Variants in NLGN1 observed in about 807,000 individuals in gnomAD.
The protein encoded by NLGN1 is neuroligin 1.
NLGN1 carries 12 observed loss-of-function variants against 65.5 expected under a neutral mutation model. The ratio of observed to expected loss-of-function variants is 0.18; its 90% CI spans 0.12 to 0.30. The LOEUF (loss-of-function observed/expected upper bound fraction) is 0.30. NLGN1 is among the 10% of genes least tolerant of loss of function. NLGN1 has a pLI of 1.00. For missense variants in NLGN1, 750 were observed against 1,007.1 expected (o/e 0.74, Z 3.46); for synonymous variants, 350 against 359.5 (o/e 0.97, Z 0.30).
At chr3:173,850,067 G>C (rs1726596164) in intron 4 of NLGN1, among the ~76,000 whole-genome samples, 1 of 152,014 alleles carries the variant, frequency 6.6e-6, no homozygotes, top group Admixed American at 6.6e-5. Context: ...GAAAAATATA[G>C]AGAGAAGAGT....
chr3:173,463,739 A>G (rs1381152418), intron 2 of NLGN1, among the ~76,000 whole-genome samples: 1 of 152,172 alleles, frequency 6.6e-6, no homozygotes, highest in Non-Finnish European at 1.5e-5. Flanking sequence ...CTGTATCATG[A>G]TAGATTGAAT....
intron 4 of NLGN1, among the ~76,000 whole-genome samples, chr3:173,877,721 T>A (rs1465519365): frequency 6.6e-6 from 1 of 152,190 alleles, no homozygotes; most frequent in African/African-American, 2.4e-5. Context: ...AAATAAAAGC[T>A]CTTATAATAA....
intron 4 of NLGN1, among the ~76,000 whole-genome samples, chr3:174,223,360 C>T (rs1739005944): frequency 6.6e-6 from 1 of 152,174 alleles, no homozygotes; most frequent in Non-Finnish European, 1.5e-5. Context: ...ATTTTCTTGG[C>T]ATGAAAGCAA....
At chr3:173,706,825 G>A (rs772098881) in intron 3 of NLGN1, among the ~76,000 whole-genome samples, 8 of 152,152 alleles carry the variant, frequency 5.3e-5, no homozygotes, top group African/African-American at 7.2e-5. Flanking sequence ...ACACGCCCAC[G>A]CGTGCACGCA....
rs138303798 is a variant in NLGN1 at position 174,136,953 on chromosome 3, A to T, written c.647-138362A>T. Reference sequence around the variant, plus strand: ...ATGGAAAGTGCATTTAATACATCTAACCTACCAAACATAGCTTAGCCTAGC... The same window carrying T: ...ATGGAAAGTGCATTTAATACATCTATCCTACCAAACATAGCTTAGCCTAGC... On this transcript the variant is annotated intron_variant, in intron 4 of 6. Transcript: ENST00000457714. Among the ~76,000 whole-genome samples the T allele has an allele frequency of 4.0e-3, 605 of 152,240 alleles. 3 individuals carry two copies. The highest frequency in any genetic ancestry group is 0.014 in the African/African-American group (576 of 41,554).
rs1447216710 is a variant in NLGN1 at position 173,819,572 on chromosome 3, A to G, written c.646+11740A>G. ...CTGCCACAAATACCCATCTTTCTCA[A>G]TCGTTGTAGCTCTATTATCTTTCTC... On this transcript the variant is annotated intron_variant, in intron 4 of 6. Coordinates refer to ENST00000457714, the Ensembl canonical transcript of NLGN1. Among the ~76,000 whole-genome samples the G allele has an allele frequency of 2.6e-5, 4 of 152,146 alleles. 1 individual carries two copies. Among genetic ancestry groups the G allele is most frequent in the South Asian group, 4.1e-4 (2 of 4,834 alleles).
At chr3:173,862,363 G>A (rs529018892) in intron 4 of NLGN1, among the ~76,000 whole-genome samples, 6 of 151,246 alleles carry the variant, frequency 4.0e-5, no homozygotes, top group Admixed American at 1.3e-4. Context: ...AAAATTAGCC[G>A]GGCGTAGTGG....
At chr3:173,829,553 CGTGT>C (rs10576627) in intron 4 of NLGN1, among the ~76,000 whole-genome samples, 13 of 144,714 alleles carry the variant, frequency 9.0e-5, no homozygotes, top group South Asian at 2.1e-4. Context: ...GGAGTGTGTG[CGTGT>C]GTGTGTGTGT....
At chr3:174,044,894 T>G (rs1052824701) in intron 4 of NLGN1, among the ~76,000 whole-genome samples, 4 of 152,092 alleles carry the variant, frequency 2.6e-5, no homozygotes, top group African/African-American at 9.7e-5. Context: ...GGTTTCCCCC[T>G]TTTGCTTGGC....
chr3:174,049,429 A>G (rs1012698839), intron 4 of NLGN1, among the ~76,000 whole-genome samples: 1 of 152,062 alleles, frequency 6.6e-6, no homozygotes, highest in Non-Finnish European at 1.5e-5. Context: ...AGCAGGGATA[A>G]GCTGGGATGG....
At chr3:173,511,937 C>A (rs1608394) in intron 2 of NLGN1, among the ~76,000 whole-genome samples, 8 of 152,114 alleles carry the variant, frequency 5.3e-5, no homozygotes, top group Non-Finnish European at 1.0e-4. Flanking sequence ...ATTTTCTTGA[C>A]CCCTTCCTAA....
At chr3:174,149,887 A>T (rs753378800) in intron 4 of NLGN1, among the ~76,000 whole-genome samples, 28 of 152,264 alleles carry the variant, frequency 1.8e-4, no homozygotes, top group Admixed American at 4.6e-4. Flanking sequence ...GATTAAACAG[A>T]TGTTGCATTC....
chr3:174,050,937 G>A (rs1303063681), intron 4 of NLGN1, among the ~76,000 whole-genome samples: 2 of 151,996 alleles, frequency 1.3e-5, no homozygotes, highest in Non-Finnish European at 2.9e-5. Context: ...AGAGAACGCT[G>A]GGCTGAGAGG....
chr3:173,928,795 C>T (rs1401201208), intron 4 of NLGN1, among the ~76,000 whole-genome samples: 1 of 151,764 alleles, frequency 6.6e-6, no homozygotes, highest in African/African-American at 2.4e-5. Flanking sequence ...CCTCAGCCTC[C>T]CCAGTAATGG....
chr3:174,033,002 C>CTA (rs1209082980), intron 4 of NLGN1, among the ~76,000 whole-genome samples: 3 of 141,224 alleles, frequency 2.1e-5, no homozygotes, highest in Admixed American at 6.8e-5. Context: ...ATAGATCTAT[C>CTA]TATATATATA....
At chr3:173,861,423 G>A (rs1729045417) in intron 4 of NLGN1, among the ~76,000 whole-genome samples, 1 of 151,556 alleles carries the variant, frequency 6.6e-6, no homozygotes, top group Admixed American at 6.6e-5. Context: ...TGGAAAGAAG[G>A]ATGAAACAGT....
intron 2 of NLGN1, among the ~76,000 whole-genome samples, chr3:173,447,292 G>A (rs1367628206): frequency 2.0e-5 from 3 of 152,196 alleles, no homozygotes; most frequent in Non-Finnish European, 4.4e-5. Context: ...TGGCTAGCCA[G>A]TTTTCCCAGC....
chr3:173,517,529 A>C (rs1733999505), intron 2 of NLGN1, among the ~76,000 whole-genome samples: 1 of 151,994 alleles, frequency 6.6e-6, no homozygotes, highest in African/African-American at 2.4e-5. Flanking sequence ...TATATATTTC[A>C]CTATATTTCA....
At chr3:173,674,906 ATATATTTTTATCATTATAAAAAAAT>A (rs1464494106) in intron 3 of NLGN1, among the ~76,000 whole-genome samples, 1 of 151,952 alleles carries the variant, frequency 6.6e-6, no homozygotes, top group African/African-American at 2.4e-5. Context: ...GGGATTTGGG[ATATATTTTTATCATTATAAAAAAAT>A]TATATTTTTT....
Sources: allele counts gnomAD v4.1 joint callset (sites outside exome capture counted in the v4.1 genomes callset), GRCh38; gene constraint gnomAD v4.1.1; transcripts MANE v1.5; gene names NCBI Gene and HGNC (gene_info 2026-07-23, HGNC 2026-07-21).